Variants in SCRG1 observed in about 807,000 individuals in gnomAD.
SCRG1 encodes stimulator of chondrogenesis 1.
Under a neutral mutation model 7.7 loss-of-function variants are expected in SCRG1, and 3 were observed. The ratio of observed to expected loss-of-function variants is 0.39; its 90% CI spans 0.18 to 1.01. SCRG1 has a LOEUF of 1.01. SCRG1 is among the 50% of genes least tolerant of loss of function. SCRG1 has a pLI of 0.36. For missense variants in SCRG1, 110 were observed against 117.2 expected (o/e 0.94, Z 0.28); for synonymous variants, 46 against 41.2 (o/e 1.12, Z -0.44).
At chr4:173,409,070 GATTT>G (rs1739984913), upstream of SCRG1, among the ~76,000 whole-genome samples, 1 of 151,848 alleles carries the variant, frequency 6.6e-6, no homozygotes, top group African/African-American at 2.4e-5. Context: ...CAAATAATGG[GATTT>G]TCTTTCCTGA....
At chr4:173,462,610 C>G in the SCRG1 span, among the ~76,000 whole-genome samples, 1 of 152,060 alleles carries the variant, frequency 6.6e-6, no homozygotes, top group South Asian at 2.1e-4. Context: ...TAAATAATCA[C>G]CTGAAGGTAC....
At chr4:173,408,954 C>T (rs1397842598), upstream of SCRG1, among the ~76,000 whole-genome samples, 11 of 144,660 alleles carry the variant, frequency 7.6e-5, no homozygotes, top group South Asian at 2.1e-4. Flanking sequence ...ATGGCGCCGC[C>T]GCACTCCGGC....
chr4:173,485,674 T>C, the SCRG1 span, among the ~76,000 whole-genome samples: 5 of 152,200 alleles, frequency 3.3e-5, no homozygotes, highest in Admixed American at 6.5e-5. Flanking sequence ...TTGAATTAGA[T>C]TGTTAAAAAT....
chr4:173,513,432 A>G, the SCRG1 span, among the ~76,000 whole-genome samples: 1 of 152,208 alleles, frequency 6.6e-6, no homozygotes, highest in African/African-American at 2.4e-5. Context: ...GAGTAACAAG[A>G]ACTCTTACAC....
At chr4:173,432,977 G>A in the SCRG1 span, among the ~76,000 whole-genome samples, 44 of 152,196 alleles carry the variant, frequency 2.9e-4, no homozygotes, top group Non-Finnish European at 1.5e-5. Flanking sequence ...TGTGGTAAAG[G>A]GCAGAGGAGG....
chr4:173,491,652 G>C, the SCRG1 span, among the ~76,000 whole-genome samples: 2 of 152,156 alleles, frequency 1.3e-5, no homozygotes, highest in African/African-American at 4.8e-5. Context: ...GGTGGGCAGA[G>C]GAAATGACTG....
chr4:173,425,463 C>A, the SCRG1 span, among the ~76,000 whole-genome samples: 1 of 152,332 alleles, frequency 6.6e-6, no homozygotes, highest in African/African-American at 2.4e-5. Context: ...AAACCTAATT[C>A]ACCCCACTTA....
chr4:173,421,414 G>A, the SCRG1 span, among the ~76,000 whole-genome samples: 1 of 142,450 alleles, frequency 7.0e-6, no homozygotes, highest in East Asian at 2.1e-4. Flanking sequence ...GGTTTAGTTT[G>A]TTGGGGGGGG....
At chr4:173,414,445 T>C in the SCRG1 span, among the ~76,000 whole-genome samples, 2 of 152,198 alleles carry the variant, frequency 1.3e-5, no homozygotes, top group African/African-American at 2.4e-5. Flanking sequence ...CTTCCTGCAG[T>C]GGTCCCTGCT....
chr4:173,437,886 A>G, the SCRG1 span, among the ~76,000 whole-genome samples: 2 of 152,332 alleles, frequency 1.3e-5, no homozygotes, highest in South Asian at 2.1e-4. Context: ...AGATGCACAA[A>G]GAGAGAACGG....
the SCRG1 span, among the ~76,000 whole-genome samples, chr4:173,476,460 G>T: frequency 6.6e-6 from 1 of 150,576 alleles, no homozygotes; most frequent in Non-Finnish European, 1.5e-5. Flanking sequence ...AGGTTGATTC[G>T]CAAGTCAGTG....
At chr4:173,441,389 T>A in the SCRG1 span, among the ~76,000 whole-genome samples, 2 of 152,188 alleles carry the variant, frequency 1.3e-5, no homozygotes, top group Non-Finnish European at 2.9e-5. Context: ...CTGTGAAATA[T>A]TTAGAATCCA....
chr4:173,456,497 C>T, the SCRG1 span, among the ~76,000 whole-genome samples: 1 of 152,160 alleles, frequency 6.6e-6, no homozygotes. Context: ...GGTTGTCTGT[C>T]ATCACCTATA....
chr4:173,478,542 G>C, the SCRG1 span, among the ~76,000 whole-genome samples: 1 of 152,126 alleles, frequency 6.6e-6, no homozygotes, highest in Admixed American at 6.6e-5. Flanking sequence ...TGTGTGGACT[G>C]TCTCAGTGTT....
chr4:173,512,026 T>C, the SCRG1 span, among the ~76,000 whole-genome samples: 2 of 152,224 alleles, frequency 1.3e-5, no homozygotes, highest in Non-Finnish European at 1.5e-5. Context: ...AGCATCAGAC[T>C]CTCTGACCCT....
the SCRG1 span, among the ~76,000 whole-genome samples, chr4:173,482,566 C>G: frequency 6.6e-6 from 1 of 151,974 alleles, no homozygotes; most frequent in Non-Finnish European, 1.5e-5. Flanking sequence ...GTCTGTAATC[C>G]TAGAAGTTTG....
chr4:173,469,828 T>C, the SCRG1 span: 5 of 152,224 alleles, frequency 3.3e-5, no homozygotes, highest in Non-Finnish European at 5.9e-5. Flanking sequence ...GCAGGCTTGT[T>C]ACTGCTGGAT....
the SCRG1 span, among the ~76,000 whole-genome samples, chr4:173,462,277 C>T: frequency 6.6e-6 from 1 of 152,008 alleles, no homozygotes; most frequent in South Asian, 2.1e-4. Context: ...TCCCAAAGGT[C>T]AAGGATAAAG....
chr4:173,419,121 A>G, the SCRG1 span: 1 of 256,942 alleles, frequency 3.9e-6, no homozygotes, highest in Non-Finnish European at 7.5e-6. Flanking sequence ...TATCACTGAC[A>G]CTTATCCTGA....
Sources: gnomAD v4.1 joint callset for allele counts (sites outside exome capture counted in the v4.1 genomes callset) on GRCh38, gnomAD v4.1.1 for gene constraint, MANE v1.5 for transcripts, NCBI Gene and HGNC (gene_info 2026-07-23, HGNC 2026-07-21) for gene names.